The following SGCD variants were observed in gnomAD, a reference collection of about 807,000 sequenced individuals.
SGCD encodes delta-sarcoglycan.
A neutral mutation model predicts 36.6 loss-of-function variants in SGCD; 18 were observed. The observed-to-expected ratio is 0.49, with a 90% CI of 0.34 to 0.73. The LOEUF (loss-of-function observed/expected upper bound fraction) is 0.73, where lower values mean the gene tolerates loss of function less well. Ranked by LOEUF, SGCD falls within the 30% of genes least tolerant of loss-of-function variation. The pLI is 0.01. For synonymous variants in SGCD, 133 were observed against 130.6 expected (o/e 1.02, Z -0.12); for missense variants, 387 against 346.7 (o/e 1.12, Z -0.92).
At chr5:156,082,043 G>A (rs922699457) in intron 1 of SGCD, among the ~76,000 whole-genome samples, 1 of 152,180 alleles carries the variant, frequency 6.6e-6, no homozygotes, top group African/African-American at 2.4e-5. Context: ...AGAGCAGGCA[G>A]TGATTTATGA....
chr5:155,841,785 AC>A, the SGCD span, among the ~76,000 whole-genome samples: 7 of 152,070 alleles, frequency 4.6e-5, no homozygotes, highest in Non-Finnish European at 8.8e-5. Flanking sequence ...GGATGTGACT[AC>A]CGTTTCCTCC....
intron 1 of SGCD, among the ~76,000 whole-genome samples, chr5:155,889,775 C>T (rs977620105): frequency 2.6e-5 from 4 of 152,214 alleles, no homozygotes; most frequent in Admixed American, 6.5e-5. Context: ...TATCACAGAC[C>T]GTATTTGGGG....
At chr5:156,590,434 T>C (rs1170490324) in intron 5 of SGCD, among the ~76,000 whole-genome samples, 2 of 152,150 alleles carry the variant, frequency 1.3e-5, no homozygotes, top group Non-Finnish European at 2.9e-5. Flanking sequence ...ATAAACATGT[T>C]GTTTCAGCGT....
intron 4 of SGCD, among the ~76,000 whole-genome samples, chr5:156,571,771 T>A (rs1042832024): frequency 6.6e-6 from 1 of 152,226 alleles, no homozygotes; most frequent in Admixed American, 6.5e-5. Flanking sequence ...ACACATGATA[T>A]AAAATTTACC....
rs530539105 is a variant in SGCD at position 156,017,736 on chromosome 5, G to A, written c.-281-100142G>A. 1.1e-4 allele frequency among the ~76,000 whole-genome samples: 16 copies of A among 152,044 alleles called. No homozygotes were observed. The South Asian group carries it at 2.9e-3, about 28-fold the overall frequency. On this transcript the variant is annotated intron_variant, in intron 1 of 9. Transcript: ENST00000517913. ...TGTTTTTCTAAGAATGAATCATATTGTCTTATTTTATAGTTTTTATATATT... is the reference window on the plus strand; with the variant it reads ...TGTTTTTCTAAGAATGAATCATATTATCTTATTTTATAGTTTTTATATATT...
chr5:155,885,577 T>C lies in SGCD; in HGVS notation c.-282+15153T>C, dbSNP rs182924899. 1.5e-4 allele frequency among the ~76,000 whole-genome samples: 23 copies of C among 152,272 alleles called. 6 individuals carry two copies. The highest frequency in any genetic ancestry group is 5.5e-4 in the African/African-American group (23 of 41,536). On this transcript the variant is annotated intron_variant, in intron 1 of 9. Coordinates refer to the SGCD transcript ENST00000517913. ...TTTGTGTAGCCAATAATCTTGCATA[T>C]TAAAGGATAGCTCTGTTCTCTGACA... is the stretch of plus-strand genomic sequence containing the variant.
Position 156,761,074 on chromosome 5 carries a change from C to T in SGCD, c.*1684C>T, listed in dbSNP as rs1186920959. 1 of 152,166 alleles carries T rather than the reference C, an allele frequency of 6.6e-6. No individual in the cohort carries two copies. Among genetic ancestry groups the T allele is most frequent in the East Asian group, 1.9e-4 (1 of 5,194 alleles). The allele number at this position is 152,166 out of a possible 1,614,324, so 9.4% of individuals were successfully genotyped here. On this transcript the variant is annotated 3_prime_UTR_variant, in exon 9 of 9. Coordinates refer to ENST00000337851, the MANE Select transcript of SGCD (RefSeq NM_000337.6). ...TGGGTGGCATTTGGATTTTTCTTTT[C>T]CCTCAACAAGGTTTTACTTTTTCTT...
intron 1 of SGCD, among the ~76,000 whole-genome samples, chr5:155,902,840 A>G (rs1373671581): frequency 6.6e-6 from 1 of 152,230 alleles, no homozygotes; most frequent in African/African-American, 2.4e-5. Context: ...AGAATTCTGC[A>G]GACAGATCCC....
At chr5:156,107,984 A>C (rs548300726) in intron 1 of SGCD, among the ~76,000 whole-genome samples, 1 of 152,246 alleles carries the variant, frequency 6.6e-6, no homozygotes, top group Admixed American at 6.5e-5. Context: ...CAGGAGAGTA[A>C]TCTGGTAGTT....
At chr5:156,044,229 A>G (rs1759709662) in intron 1 of SGCD, among the ~76,000 whole-genome samples, 2 of 152,122 alleles carry the variant, frequency 1.3e-5, no homozygotes, top group Non-Finnish European at 2.9e-5. Flanking sequence ...AGGGAGTGAA[A>G]TGTTCAAGCC....
intron 1 of SGCD, among the ~76,000 whole-genome samples, chr5:156,029,268 C>T (rs1055504307): frequency 3.3e-5 from 5 of 152,154 alleles, no homozygotes; most frequent in Non-Finnish European, 7.4e-5. Flanking sequence ...GAGTCAAATA[C>T]ACTTTCAGAA....
chr5:156,261,442 A>G (rs1218969051), intron 3 of SGCD, among the ~76,000 whole-genome samples: 1 of 152,174 alleles, frequency 6.6e-6, no homozygotes, highest in Non-Finnish European at 1.5e-5. Flanking sequence ...TGGAGATGAA[A>G]AATTTTTGTT....
chr5:155,927,226 C>G (rs1324029099), intron 1 of SGCD, among the ~76,000 whole-genome samples: 2 of 152,130 alleles, frequency 1.3e-5, no homozygotes, highest in Non-Finnish European at 2.9e-5. Flanking sequence ...AGAATAATGA[C>G]TGGAGAATAG....
intron 7 of SGCD, among the ~76,000 whole-genome samples, chr5:156,657,503 C>T (rs980386064): frequency 6.6e-6 from 1 of 151,518 alleles, no homozygotes; most frequent in African/African-American, 2.4e-5. Context: ...TGGCTCATGC[C>T]TATGATCCCA....
intron 1 of SGCD, among the ~76,000 whole-genome samples, chr5:155,887,501 G>A (rs991929237): frequency 4.7e-5 from 7 of 150,020 alleles, no homozygotes; most frequent in African/African-American, 1.7e-4. Flanking sequence ...GTGTAGAGTG[G>A]AGGTGACGCA....
chr5:156,307,552 G>GTTTTTTTTCTT, intron 3 of SGCD, among the ~76,000 whole-genome samples: 1 of 48,444 alleles, frequency 2.1e-5, no homozygotes, highest in Non-Finnish European at 3.7e-5. Flanking sequence ...CATTTTAACT[G>GTTTTTTTTCTT]TTGTTTTTTT....
intron 7 of SGCD, among the ~76,000 whole-genome samples, chr5:156,719,693 A>G (rs1183209778): frequency 1.3e-5 from 2 of 152,168 alleles, no homozygotes; most frequent in Non-Finnish European, 2.9e-5. Context: ...AACGGCTGTC[A>G]TATGATGAAA....
chr5:156,297,331 C>A (rs941766099), intron 3 of SGCD, among the ~76,000 whole-genome samples: 1 of 151,860 alleles, frequency 6.6e-6, no homozygotes, highest in Non-Finnish European at 1.5e-5. Flanking sequence ...ATAAAGACAC[C>A]TGCACACGTA....
intron 3 of SGCD, among the ~76,000 whole-genome samples, chr5:156,272,005 T>A (rs897617059): frequency 2.0e-5 from 3 of 152,330 alleles, no homozygotes; most frequent in Non-Finnish European, 4.4e-5. Context: ...TTATAATTTA[T>A]TTTTATAATT....
Sources: allele counts gnomAD v4.1 joint callset (sites outside exome capture counted in the v4.1 genomes callset), GRCh38; gene constraint gnomAD v4.1.1; transcripts MANE v1.5; gene names NCBI Gene and HGNC (gene_info 2026-07-23, HGNC 2026-07-21).